SYNE1: variants seen among roughly 807,000 people sequenced by gnomAD.
SYNE1 encodes nesprin-1.
In SYNE1, 616 loss-of-function variants were observed where a neutral mutation model predicts 1,111.0. The observed-to-expected ratio is 0.55, with a 90% CI of 0.52 to 0.59. SYNE1 has a LOEUF of 0.59. SYNE1 is among the 20% of genes least tolerant of loss of function. The pLI is 0.00. For missense variants in SYNE1, 10,006 were observed against 10,417.0 expected (o/e 0.96, Z 1.72); for synonymous variants, 3,855 against 3,825.8 (o/e 1.01, Z -0.28).
intron 14 of SYNE1, chr6:152,481,210 T>C (rs1051064587): frequency 8.9e-6 from 2 of 224,904 alleles, no homozygotes; most frequent in Admixed American, 1.0e-4. Context: ...AAAGGTATTA[T>C]ACAAAGAACA....
chr6:152,338,323 T>C (rs1197775845), intron 75 of SYNE1, among the ~76,000 whole-genome samples: 1 of 152,060 alleles, frequency 6.6e-6, no homozygotes, highest in Non-Finnish European at 1.5e-5. Flanking sequence ...CTTATTTTTC[T>C]TTTAAACTCA....
At chr6:152,504,353 G>C (rs1263429184) in intron 9 of SYNE1, among the ~76,000 whole-genome samples, 1 of 152,090 alleles carries the variant, frequency 6.6e-6, no homozygotes, top group Non-Finnish European at 1.5e-5. Flanking sequence ...CTTACTCTTG[G>C]AAACACAAGT....
intron 22 of SYNE1, among the ~76,000 whole-genome samples, chr6:152,457,840 G>C (rs957762375): frequency 7.9e-5 from 12 of 151,682 alleles, no homozygotes; most frequent in African/African-American, 2.9e-4. Flanking sequence ...AGCAGGTAAT[G>C]CCTAAAGCTA....
chr6:152,560,073 CTGGGCATGG>C (rs1383139694), intron 3 of SYNE1, among the ~76,000 whole-genome samples: 1 of 152,108 alleles, frequency 6.6e-6, no homozygotes, highest in African/African-American at 2.4e-5. Flanking sequence ...AAATAGAAGG[CTGGGCATGG>C]TGGCTCACAC....
intron 129 of SYNE1, among the ~76,000 whole-genome samples, chr6:152,177,399 T>A (rs1173855755): frequency 6.6e-6 from 1 of 152,202 alleles, no homozygotes; most frequent in African/African-American, 2.4e-5. Context: ...GTCTTTAGGA[T>A]CAACTTTTTT....
Position 152,189,413 on chromosome 6 carries a change from TA to T in SYNE1, c.23146-7del, listed in dbSNP as rs770820426. ...CCAACTGCATTTTCTAATTCCTAAA[TA>T]AAAAAACAAACTTGAATACCCACGG... On this transcript the variant is annotated splice_polypyrimidine_tract_variant and splice_region_variant and intron_variant, in intron 127 of 145. Coordinates refer to ENST00000367255, the MANE Select transcript of SYNE1 (RefSeq NM_182961.4). 6 of 1,613,746 alleles carry T rather than the reference TA, an allele frequency of 3.7e-6. No homozygotes were observed. The highest frequency in any genetic ancestry group is 5.1e-6 in the Non-Finnish European group (6 of 1,179,834).
intron 105 of SYNE1, among the ~76,000 whole-genome samples, chr6:152,248,832 TTTGTCAGTAC>T (rs2088235441): frequency 6.6e-6 from 1 of 152,202 alleles, no homozygotes; most frequent in Non-Finnish European, 1.5e-5. Flanking sequence ...CCCATAATGC[TTTGTCAGTAC>T]CACTCCCAGG....
chr6:152,485,621 C>A (rs1307903968), intron 12 of SYNE1, among the ~76,000 whole-genome samples: 1 of 152,102 alleles, frequency 6.6e-6, no homozygotes, highest in Non-Finnish European at 1.5e-5. Context: ...TTAATGCTAA[C>A]ATTAAAACAA....
intron 33 of SYNE1, chr6:152,435,266 G>T (rs1381542145): frequency 6.6e-6 from 1 of 151,930 alleles, no homozygotes; most frequent in Non-Finnish European, 1.5e-5. Flanking sequence ...GTTAAAAATA[G>T]AAATGTTTAG....
chr6:152,607,630 G>A (rs1410463430), intron 3 of SYNE1, among the ~76,000 whole-genome samples: 1 of 152,176 alleles, frequency 6.6e-6, no homozygotes, highest in Non-Finnish European at 1.5e-5. Flanking sequence ...AGACAGTGTG[G>A]TGATTCCTCA....
At position 152,244,605 on chromosome 6, in the gene SYNE1, C is replaced by T. The variant is rs1290381941; in HGVS notation, c.19624G>A (p.Glu6542Lys). The T allele has an allele frequency of 2.2e-5, 35 of 1,614,014 alleles. No homozygotes were observed. Among genetic ancestry groups the T allele is most frequent in the Non-Finnish European group, 2.9e-5 (34 of 1,179,940 alleles). Reference protein sequence around the residue: ...GLKEFDAGIIELKRRGDKLQV... With the variant: ...GLKEFDAGIIKLKRRGDKLQV... The stretch of plus-strand genomic sequence containing the variant: ...AGCTTGTCACCACGCCTCTTTAATT[C>T]AATGATTCCTGCATCAAATTCTTTG... The change falls in exon 106 of 146, where the codon GAA becomes AAA. Residue 6542 changes from glutamate (E) to lysine (K), a missense_variant. Transcript: ENST00000367255.
At chr6:152,325,033 C>G (rs959383396) in intron 81 of SYNE1, 51 bp downstream of exon 81, 24 of 1,598,510 alleles carry the variant, frequency 1.5e-5, no homozygotes, top group African/African-American at 5.4e-5. Context: ...TTTCAAAATA[C>G]ATTATAATTA....
intron 32 of SYNE1, among the ~76,000 whole-genome samples, chr6:152,436,483 T>C (rs1462144490): frequency 6.6e-6 from 1 of 152,030 alleles, no homozygotes; most frequent in Non-Finnish European, 1.5e-5. Context: ...CTGATTTTTG[T>C]ACAGATGAGG....
chr6:152,145,180 C>G, intron 137 of SYNE1: 1 of 401,926 alleles, frequency 2.5e-6, no homozygotes, highest in Non-Finnish European at 4.7e-6. Context: ...AACACTAGGG[C>G]GCAGAGGCTG....
At chr6:152,216,305 T>C (rs558880402) in intron 121 of SYNE1, among the ~76,000 whole-genome samples, 5 of 152,290 alleles carry the variant, frequency 3.3e-5, no homozygotes, top group South Asian at 2.1e-4. Context: ...ACTATTCTAG[T>C]AGTCAAAAGT....
At chr6:152,400,596 A>T (rs1425319083) in intron 47 of SYNE1, among the ~76,000 whole-genome samples, 4 of 152,142 alleles carry the variant, frequency 2.6e-5, no homozygotes, top group Admixed American at 6.5e-5. Flanking sequence ...CTGGGAGGGG[A>T]GGTTGCAGTG....
chr6:152,144,691 G>A (rs1046177817), intron 137 of SYNE1: 4 of 152,312 alleles, frequency 2.6e-5, no homozygotes, highest in African/African-American at 9.7e-5. Context: ...TTTGCTTTCT[G>A]TCCTTTTGAT....
rs992732749 is a variant in SYNE1, at chr6:152,539,904, T to G, written c.129+56A>C. The stretch of plus-strand genomic sequence containing the variant: ...GAAGCATTTTGTTATACTGGACATT[T>G]AATGATTTACTGGCTCAACCTAAGT... On this transcript the variant is annotated intron_variant, in intron 4 of 145. Coordinates refer to ENST00000367255, the MANE Select transcript of SYNE1 (RefSeq NM_182961.4). 2.6e-6 allele frequency: 4 copies of G among 1,565,942 alleles called. No homozygotes were observed. In the African/African-American group the frequency reaches 4.1e-5, roughly 16 times the overall value.
At chr6:152,288,022 T>A (rs1468401067) in intron 95 of SYNE1, among the ~76,000 whole-genome samples, 1 of 152,242 alleles carries the variant, frequency 6.6e-6, no homozygotes, top group Non-Finnish European at 1.5e-5. Context: ...TATTTTCCAT[T>A]ATTTCATAAT....
Sources: allele counts gnomAD v4.1 joint callset (sites outside exome capture counted in the v4.1 genomes callset), GRCh38; gene constraint gnomAD v4.1.1; transcripts MANE v1.5; gene names NCBI Gene and HGNC (gene_info 2026-07-23, HGNC 2026-07-21).